The following ZC3H13 variants were observed in gnomAD, a reference collection of about 807,000 sequenced individuals.
The protein encoded by ZC3H13 is zinc finger CCCH domain-containing protein 13.
Under a neutral mutation model 204.1 loss-of-function variants are expected in ZC3H13, and 64 were observed. The observed-to-expected ratio is 0.31, with a 90% CI of 0.26 to 0.39. The LOEUF (loss-of-function observed/expected upper bound fraction) is 0.39, where lower values mean the gene tolerates loss of function less well. Among genes scored for constraint, ZC3H13 ranks in the 10% least tolerant of loss-of-function variants. The pLI, the probability that ZC3H13 is intolerant of heterozygous loss-of-function variation, is 1.00. For missense variants in ZC3H13, 1,833 were observed against 2,082.7 expected, an observed-to-expected ratio of 0.88 and a Z score of 2.33; for synonymous variants, 667 against 693.7, an observed-to-expected ratio of 0.96 and a Z score of 0.60.
chr13:45,979,330 C>A (rs1213451403), intron 11 of ZC3H13, among the ~76,000 whole-genome samples: 1 of 152,052 alleles, frequency 6.6e-6, no homozygotes, highest in Non-Finnish European at 1.5e-5. Context: ...CATATCTTCT[C>A]AGGACAGAAT....
In ZC3H13 at chr13:45,967,804, G is replaced by T. The variant is rs149951585; in HGVS notation, c.4021C>A (p.Arg1341=). 2 of 1,612,304 alleles carry T rather than the reference G, an allele frequency of 1.2e-6. No homozygotes were observed. The highest frequency in any genetic ancestry group is 2.7e-5 in the African/African-American group (2 of 74,798). The change falls in exon 15 of 19, where the codon CGA becomes AGA. Residue 1341 remains arginine (R), a synonymous_variant. Transcript: ENST00000679008. ...CGTTCTCTCTCTCGTTCTCGTTCTC[G>T]CAATCTATCTCGATCCCTGTTGCGT... is the stretch of plus-strand genomic sequence containing the variant. ...WPRNRDRDRL[R]ERERERERDK...
Position 45,969,812 on chromosome 13 carries a change from T to G in ZC3H13, c.2732A>C (p.Lys911Thr), listed in dbSNP as rs1336965910. 1 of 1,613,976 alleles carries G rather than the reference T, an allele frequency of 6.2e-7. No individual in the cohort carries two copies. The highest frequency in any genetic ancestry group is 2.2e-5 in the East Asian group (1 of 44,874). ...SSRRYEEQEL[K>T]EKVSSVDKQR... ...TTTATCTACAGAAGAAACTTTCTCC[T>G]TGAGTTCCTGTTCTTCGTAGCGCCT... Residue 911 changes from lysine (K) to threonine (T), a missense_variant, in exon 14 of 19, where the codon AAG becomes ACG. Transcript: ENST00000679008.
intron 12 of ZC3H13, among the ~76,000 whole-genome samples, chr13:45,972,317 T>TA (rs1411458808): frequency 1.4e-4 from 21 of 152,258 alleles, no homozygotes; most frequent in African/African-American, 3.9e-4. Context: ...CATGGACTAC[T>TA]ACTCAGCCAT....
chr13:46,018,695 T>C (rs537449784), intron 5 of ZC3H13, among the ~76,000 whole-genome samples: 1 of 152,240 alleles, frequency 6.6e-6, no homozygotes, highest in African/African-American at 2.4e-5. Flanking sequence ...CATAGATTTA[T>C]GGAGAAGGTT....
intron 3 of ZC3H13, among the ~76,000 whole-genome samples, chr13:46,044,723 A>C (rs2043825751): frequency 6.6e-6 from 1 of 152,204 alleles, no homozygotes; most frequent in Non-Finnish European, 1.5e-5. Flanking sequence ...TACTACAAAA[A>C]GATCTACTGT....
rs1951319180 is a variant in ZC3H13, at chr13:45,957,184, C to G, written c.4953G>C (p.Lys1651Asn). 11 of 1,548,080 alleles carry G rather than the reference C, an allele frequency of 7.1e-6. No homozygotes were observed. The highest frequency in any genetic ancestry group is 1.2e-5 in the South Asian group (1 of 83,326). Residue 1651 changes from lysine (K) to asparagine (N), a missense_variant, in exon 19 of 19, where the codon AAG becomes AAC. This residue lies in a region of ZC3H13 where 211 missense variants were observed against 228.4 expected (regional missense o/e 0.92). Transcript: ENST00000679008. ...KTTCHAPGHE[K>N]TEDNKLSQSS... The stretch of plus-strand genomic sequence containing the variant: ...ACTGTGAAAGTTTATTATCTTCAGT[C>G]TTTTCATGTCCTGGAGCATGGCAAG...
chr13:45,988,914 T>C lies in ZC3H13; in HGVS notation c.1128A>G (p.Ser376=), dbSNP rs774932812. 1 of 1,614,094 alleles carries C rather than the reference T, an allele frequency of 6.2e-7. No individual in the cohort carries two copies. The highest frequency in any genetic ancestry group is 8.5e-7 in the Non-Finnish European group (1 of 1,180,022). Residue 376 remains serine (S), a synonymous_variant, in exon 9 of 19, where the codon TCA becomes TCG. Transcript: ENST00000679008. ...TTCTCTGGGGAGACGACAAAGAATG[T>C]GAAGGATAAGGAGAGGCAGAGCGTC... is the stretch of plus-strand genomic sequence containing the variant. ...PLRRSASPYP[S]HSLSSPQRKQ... is the part of the protein sequence containing the mutation.
At chr13:45,961,429 T>G (rs1475345414) in intron 17 of ZC3H13, among the ~76,000 whole-genome samples, 4 of 151,788 alleles carry the variant, frequency 2.6e-5, no homozygotes, top group Admixed American at 1.3e-4. Flanking sequence ...AGTTTTGAAC[T>G]GAGCAGCACC....
intron 17 of ZC3H13, chr13:45,962,720 T>C: frequency 1.0e-6 from 1 of 983,134 alleles, no homozygotes; most frequent in Non-Finnish European, 1.2e-6. Flanking sequence ...TTTTTTTATT[T>C]TGTATTAGTG....
intron 8 of ZC3H13, among the ~76,000 whole-genome samples, chr13:45,997,952 A>C (rs557834155): frequency 1.3e-5 from 2 of 152,310 alleles, no homozygotes; most frequent in East Asian, 3.9e-4. Context: ...TTTTGGAAAC[A>C]CTTTTGCTCA....
chr13:46,011,491 T>C lies in ZC3H13; in HGVS notation c.512A>G (p.Gln171Arg). The C allele has an allele frequency of 1.2e-6, 2 of 1,605,300 alleles. No homozygotes were observed. ...CTTCATTAATTCCCTCTGTATCTTC[T>C]GACGCTTCATTTCCAATGACAATTC... ...VHELSLEMKR[Q>R]KIQRELMKLE... is the part of the protein sequence containing the mutation. Residue 171 changes from glutamine to arginine, a missense_variant, in exon 6 of 19, where the codon CAG (glutamine) becomes CGG (arginine). Coordinates refer to ENST00000679008, the MANE Select transcript of ZC3H13 (RefSeq NM_001330564.2).
intron 5 of ZC3H13, among the ~76,000 whole-genome samples, chr13:46,015,934 A>G (rs997461804): frequency 1.3e-5 from 2 of 151,998 alleles, no homozygotes; most frequent in African/African-American, 4.8e-5. Context: ...CTAATTAACA[A>G]GAAAAAAAAA....
chr13:45,980,155 A>G, intron 10 of ZC3H13, 151 bp from the exon 11 acceptor site: 1 of 669,690 alleles, frequency 1.5e-6, no homozygotes. Flanking sequence ...TCAAGCAATG[A>G]ATCAGAACAA....
chr13:46,020,349 A>G, intron 5 of ZC3H13, 100 bp downstream of exon 5: 1 of 843,602 alleles, frequency 1.2e-6, no homozygotes, highest in Non-Finnish European at 1.9e-6. Flanking sequence ...TGATTCTGAA[A>G]CGAGAGGGAT....
At chr13:45,975,978 A>C in intron 11 of ZC3H13, 140 bp from the exon 12 acceptor site, 2 of 1,372,036 alleles carry the variant, frequency 1.5e-6, no homozygotes, top group Non-Finnish European at 1.9e-6. Context: ...TTTAATTTTA[A>C]CTTAATATCC....
At position 45,969,349 on chromosome 13, in the gene ZC3H13, A is replaced by G. The variant is rs199972487; in HGVS notation, c.3195T>C (p.Ser1065=). The G allele has an allele frequency of 1.8e-4, 294 of 1,613,916 alleles. No homozygotes were observed. Among genetic ancestry groups the G allele is most frequent in the Non-Finnish European group, 1.5e-4 (176 of 1,180,022 alleles). Reference sequence around the variant, plus strand: ...CAGGGACATCCTCATCAGACCAGTCACTGAATGCTGTATCTTCTTTTTTCT... The same window carrying G: ...CAGGGACATCCTCATCAGACCAGTCGCTGAATGCTGTATCTTCTTTTTTCT... ...DSQKKEDTAF[S]DWSDEDVPDR... Residue 1065 remains serine (S), a synonymous_variant, in exon 14 of 19, where the codon AGT becomes AGC. Coordinates refer to ENST00000679008, the MANE Select transcript of ZC3H13 (RefSeq NM_001330564.2).
intron 4 of ZC3H13, among the ~76,000 whole-genome samples, chr13:46,033,653 C>A (rs369436625): frequency 6.6e-6 from 1 of 152,048 alleles, no homozygotes; most frequent in Non-Finnish European, 1.5e-5. Flanking sequence ...ACTAATCTAG[C>A]GGTAAAAGCT....
In ZC3H13 at chr13:45,989,071, T is replaced by C; in HGVS notation, c.971A>G (p.His324Arg). The part of the protein sequence containing the change: ...PRSTSPAGQH[H>R]SPISSRHHSS... ...GTGATGTCTAGAAGATATAGGAGAA[T>C]GATGCTGTCCTGCTGGGGAAGTAGA... The change falls in exon 9 of 19, where the codon CAT (histidine) becomes CGT (arginine). Residue 324 changes from histidine to arginine, a missense_variant. By Grantham distance (29) the His-to-Arg change is conservative. Transcript: ENST00000679008. The C allele has an allele frequency of 6.2e-7, 1 of 1,614,074 alleles. No homozygotes were observed. The highest frequency in any genetic ancestry group is 8.5e-7 in the Non-Finnish European group (1 of 1,179,964).
chr13:46,024,363 T>A (rs780208993), intron 4 of ZC3H13, among the ~76,000 whole-genome samples: 2 of 152,228 alleles, frequency 1.3e-5, no homozygotes, highest in African/African-American at 4.8e-5. Flanking sequence ...TTAGTGAAGA[T>A]CTGTTGGTAG....
Sources: allele counts gnomAD v4.1 joint callset (sites outside exome capture counted in the v4.1 genomes callset), GRCh38; gene constraint gnomAD v4.1.1; regional missense constraint gnomAD v4.1.1; transcripts MANE v1.5; gene names NCBI Gene and HGNC (gene_info 2026-07-23, HGNC 2026-07-21).